IST1: variants seen among roughly 807,000 people sequenced by gnomAD.
IST1 encodes the protein IST1 factor associated with ESCRT-III.
Under a neutral mutation model 37.0 loss-of-function variants are expected in IST1, and 23 were observed. That is an observed-to-expected ratio of 0.62 (90% CI 0.45 to 0.88). The LOEUF (loss-of-function observed/expected upper bound fraction) is 0.88. IST1 is among the 40% of genes least tolerant of loss of function. IST1 has a pLI of 0.00. For synonymous variants in IST1, 180 were observed against 161.7 expected (o/e 1.11, Z -0.86); for missense variants, 488 against 445.4 (o/e 1.10, Z -0.86).
rs758293683 is a variant in IST1 at position 71,927,750 on chromosome 16, A to T, written c.1038A>T (p.Ala346=). 1.7e-5 allele frequency: 27 copies of T among 1,614,184 alleles called. No homozygotes were observed. The highest frequency in any genetic ancestry group is 2.2e-5 in the Non-Finnish European group (26 of 1,180,008). ...PTASAGASTS[A]SEDIDFDDLS... is the part of the protein sequence containing the mutation. ...CATCTGCTGGTGCCAGCACCTCAGC[A>T]TCTGAAGACATTGACTTTGATGATC... The change falls in exon 10 of 10, where the codon GCA becomes GCT. Residue 346 remains alanine, a synonymous_variant. Coordinates refer to ENST00000378799, the MANE Select transcript of IST1 (RefSeq NM_001270975.2).
intron 4 of IST1, 114 bp from the exon 5 acceptor site, chr16:71,920,625 C>T (rs2037557744): frequency 7.2e-6 from 5 of 693,022 alleles, no homozygotes; most frequent in African/African-American, 3.6e-5. Flanking sequence ...GTTTTGCAGA[C>T]TCCAGTGTTT....
chr16:71,908,618 T>G (rs1038421581), intron 1 of IST1, among the ~76,000 whole-genome samples: 1 of 152,182 alleles, frequency 6.6e-6, no homozygotes, highest in Admixed American at 6.5e-5. Flanking sequence ...TCTTTGTCAG[T>G]TAATTCCAAC....
In IST1 at chr16:71,926,137, C is replaced by T. The variant is rs555232939; in HGVS notation, c.901+1320C>T. Among the ~76,000 whole-genome samples the T allele has an allele frequency of 2.6e-5, 4 of 151,944 alleles. No individual in the cohort carries two copies. In the South Asian group the frequency reaches 6.2e-4, roughly 24 times the overall value. ...TCTCTACTAAAAATACACAAATTAG[C>T]TGGGTGTGGTGGCAGGCGCCTGTAA... On this transcript the variant is annotated intron_variant, in intron 9 of 9. Coordinates refer to ENST00000378799, the MANE Select transcript of IST1 (RefSeq NM_001270975.2).
At chr16:71,927,548 T>C in intron 9 of IST1, 66 bp from the exon 10 acceptor site, 4 of 1,153,240 alleles carry the variant, frequency 3.5e-6, no homozygotes, top group Non-Finnish European at 5.1e-6. Flanking sequence ...ATTTTATTTT[T>C]ACTGCCAAAG....
intron 1 of IST1, among the ~76,000 whole-genome samples, chr16:71,914,281 C>G (rs1184657298): frequency 6.6e-6 from 1 of 151,564 alleles, no homozygotes; most frequent in African/African-American, 2.4e-5. Flanking sequence ...GTCTCAGTCT[C>G]CCGAGTAGCT....
At chr16:71,911,166 A>G (rs1436676729) in intron 1 of IST1, among the ~76,000 whole-genome samples, 1 of 152,016 alleles carries the variant, frequency 6.6e-6, no homozygotes, top group African/African-American at 2.4e-5. Flanking sequence ...GCTTAAACCC[A>G]GGAGGCAGAG....
At chr16:71,922,753 C>T in intron 7 of IST1, 73 bp downstream of exon 7, 1 of 1,256,560 alleles carries the variant, frequency 8.0e-7, no homozygotes, top group East Asian at 2.5e-5. Flanking sequence ...TGAACACACT[C>T]AGGAATCATA....
At position 71,915,862 on chromosome 16, in the gene IST1, A is replaced by G. The variant is rs967829948; in HGVS notation, c.88+134A>G. 5 of 575,054 alleles carry G rather than the reference A, an allele frequency of 8.7e-6. No homozygotes were observed. The African/African-American group carries it at 9.6e-5, about 11-fold the overall frequency. 35.6% of individuals were successfully genotyped at this position (575,054 alleles called of 1,614,324 possible). On this transcript the variant is annotated intron_variant, in intron 2 of 9. Coordinates refer to ENST00000378799, the MANE Select transcript of IST1 (RefSeq NM_001270975.2). ...GTTGTTTTTGTTGAGACAGGGTCTCACTCTGTCGCCCAGGATGGAGTGCAG... is the reference window on the plus strand; with the variant it reads ...GTTGTTTTTGTTGAGACAGGGTCTCGCTCTGTCGCCCAGGATGGAGTGCAG...
chr16:71,927,501 A>AAAC, intron 9 of IST1, 113 bp from the exon 10 acceptor site: 1 of 797,630 alleles, frequency 1.3e-6, no homozygotes, highest in African/African-American at 1.7e-5. Flanking sequence ...AAAAAAAAAA[A>AAAC]AGTTTGTGAA....
chr16:71,914,019 G>A (rs535688826), intron 1 of IST1, among the ~76,000 whole-genome samples: 2 of 152,050 alleles, frequency 1.3e-5, no homozygotes, highest in Non-Finnish European at 2.9e-5. Flanking sequence ...TGTTGGTCAG[G>A]CTGATCTCGA....
Position 71,895,562 on chromosome 16 carries a change from T to G in IST1, c.-43T>G, listed in dbSNP as rs2036945601. 2 of 985,534 alleles carry G rather than the reference T, an allele frequency of 2.0e-6. No homozygotes were observed. Among genetic ancestry groups the G allele is most frequent in the Admixed American group, 1.2e-4 (2 of 16,258 alleles). 61.0% of individuals were successfully genotyped at this position (985,534 alleles called of 1,614,324 possible). A position where few individuals can be genotyped will look rare whatever the true frequency, so the allele number is the denominator to read the frequency against. On this transcript the variant is annotated 5_prime_UTR_variant, in exon 1 of 10. Transcript: ENST00000378799. ...GATGGTGAACCCTGAAGTCGGTGTC[T>G]GCTGCGTTCACGGCAGGATTCGGTT...
intron 3 of IST1, among the ~76,000 whole-genome samples, 164 bp from the exon 4 acceptor site, chr16:71,916,883 A>T (rs904485421): frequency 3.3e-5 from 5 of 152,228 alleles, no homozygotes; most frequent in Non-Finnish European, 2.9e-5. Flanking sequence ...GAGTTCCTCC[A>T]AAAGTAAAAT....
At position 71,928,125 on chromosome 16, in the gene IST1, G is replaced by C. The variant is rs577630794; in HGVS notation, c.*312G>C. The C allele has an allele frequency of 1.7e-5, 6 of 363,040 alleles. No individual in the cohort carries two copies. Among genetic ancestry groups the C allele is most frequent in the South Asian group, 1.2e-4 (5 of 40,162 alleles). The allele number at this position is 363,040 out of a possible 1,614,324, so 22.5% of individuals were successfully genotyped here. On this transcript the variant is annotated 3_prime_UTR_variant, in exon 10 of 10. Transcript: ENST00000378799. The stretch of plus-strand genomic sequence containing the variant: ...CCCTCCACAGGAGTGTGAGAGGATG[G>C]GGGAAGCACTGTGGGAAGACCACCA...
At chr16:71,920,853 AGT>A (rs1441373625) in intron 5 of IST1, 31 bp downstream of exon 5, 1 of 1,466,144 alleles carries the variant, frequency 6.8e-7, no homozygotes, top group East Asian at 2.3e-5. Context: ...ACATGAAGGC[AGT>A]GTGTGGGAGC....
chr16:71,921,806 T>C, intron 6 of IST1: 1 of 227,060 alleles, frequency 4.4e-6, no homozygotes, highest in Non-Finnish European at 8.8e-6. Context: ...TGTCTGATAG[T>C]GCACAGAAAG....
chr16:71,924,950 T>TAG, intron 9 of IST1, 133 bp downstream of exon 9: 1 of 640,396 alleles, frequency 1.6e-6, no homozygotes, highest in Non-Finnish European at 2.8e-6. Context: ...TCTTCCCAAA[T>TAG]GCTAAAATAG....
chr16:71,905,618 G>T (rs1158266931), intron 1 of IST1, among the ~76,000 whole-genome samples: 1 of 152,116 alleles, frequency 6.6e-6, no homozygotes, highest in Non-Finnish European at 1.5e-5. Context: ...GACCTCAGGC[G>T]ATCCACCTGC....
Position 71,930,306 on chromosome 16 carries a change from A to ATCCCT in IST1, c.*2493_*2494insTCCCT. On this transcript the variant is annotated 3_prime_UTR_variant, in exon 10 of 10. Transcript: ENST00000378799. ...AAGCTTATCCGAAGGAAACTTAGGG[A>ATCCCT]GAGAGTCAAAAGATAATAAGAAGGA... 1 of 1,001,812 alleles carries ATCCCT rather than the reference A, an allele frequency of 1.0e-6. No homozygotes were observed. Among genetic ancestry groups the ATCCCT allele is most frequent in the Non-Finnish European group, 1.4e-6 (1 of 728,532 alleles). The allele number at this position is 1,001,812 out of a possible 1,614,324, so 62.1% of individuals were successfully genotyped here.
intron 1 of IST1, among the ~76,000 whole-genome samples, chr16:71,912,174 T>C (rs538161178): frequency 6.6e-6 from 1 of 152,260 alleles, no homozygotes; most frequent in South Asian, 2.1e-4. Flanking sequence ...TTTTATAGTT[T>C]AGGTAATTTT....
Sources: gnomAD v4.1 joint callset for allele counts (sites outside exome capture counted in the v4.1 genomes callset) on GRCh38, gnomAD v4.1.1 for gene constraint, MANE v1.5 for transcripts, NCBI Gene and HGNC (gene_info 2026-07-23, HGNC 2026-07-21) for gene names.